The following TMTC2 variants were observed in gnomAD, a reference collection of about 807,000 sequenced individuals.
TMTC2 encodes the protein protein O-mannosyl-transferase TMTC2.
Under a neutral mutation model 82.4 loss-of-function variants are expected in TMTC2, and 43 were observed. That is an observed-to-expected ratio of 0.52 (90% confidence interval 0.41 to 0.67). The LOEUF is 0.67. TMTC2 is among the 30% of genes least tolerant of loss of function. The probability of loss-of-function intolerance (pLI) is 0.00; values close to 1 mark genes in which losing one functional copy is unlikely to be tolerated. For missense variants in TMTC2, 919 were observed against 1,012.4 expected, an observed-to-expected ratio of 0.91 and a Z score of 1.25; for synonymous variants, 408 against 381.9, an observed-to-expected ratio of 1.07 and a Z score of -0.80.
intron 4 of TMTC2, among the ~76,000 whole-genome samples, chr12:82,933,308 A>G (rs1347103578): frequency 1.3e-5 from 2 of 152,194 alleles, no homozygotes; most frequent in African/African-American, 4.8e-5. Context: ...ACACCAAGAT[A>G]GATCCTTTGC....
At chr12:83,071,638 G>A (rs1355149545) in intron 11 of TMTC2, among the ~76,000 whole-genome samples, 1 of 152,098 alleles carries the variant, frequency 6.6e-6, no homozygotes, top group Admixed American at 6.5e-5. Flanking sequence ...GGATATTTTT[G>A]TTGTTGTTTT....
intron 11 of TMTC2, among the ~76,000 whole-genome samples, chr12:83,101,724 G>A (rs1419864643): frequency 6.6e-6 from 1 of 152,082 alleles, no homozygotes; most frequent in African/African-American, 2.4e-5. Flanking sequence ...TATTCTTCAG[G>A]GTCCAGAGAT....
intron 1 of TMTC2, among the ~76,000 whole-genome samples, chr12:82,735,406 C>T (rs924714239): frequency 8.7e-5 from 13 of 150,062 alleles, no homozygotes; most frequent in South Asian, 2.1e-4. Context: ...AGTGCAGTGG[C>T]GCGATCTCGG....
chr12:83,052,001 G>A (rs1032791434), intron 10 of TMTC2, among the ~76,000 whole-genome samples: 5 of 151,948 alleles, frequency 3.3e-5, no homozygotes, highest in Non-Finnish European at 5.9e-5. Context: ...ATATATATAT[G>A]TACATGTAAC....
chr12:83,087,156 A>G (rs1883688498), intron 11 of TMTC2, among the ~76,000 whole-genome samples: 1 of 152,192 alleles, frequency 6.6e-6, no homozygotes, highest in African/African-American at 2.4e-5. Context: ...CTTCCCCGGG[A>G]ACAGATTTCA....
chr12:82,951,280 C>A (rs1407520463), intron 4 of TMTC2, among the ~76,000 whole-genome samples: 1 of 137,888 alleles, frequency 7.3e-6, no homozygotes, highest in East Asian at 2.2e-4. Flanking sequence ...AGTTCAATAC[C>A]CTTCCCAGTG....
At chr12:82,862,591 C>G (rs973621433) in intron 2 of TMTC2, among the ~76,000 whole-genome samples, 5 of 152,090 alleles carry the variant, frequency 3.3e-5, no homozygotes, top group African/African-American at 1.2e-4. Context: ...TAGGTAATCT[C>G]TTTTTCTTAA....
At chr12:83,129,231 T>C (rs995169093) in intron 11 of TMTC2, among the ~76,000 whole-genome samples, 2 of 152,194 alleles carry the variant, frequency 1.3e-5, no homozygotes, top group Non-Finnish European at 2.9e-5. Flanking sequence ...ACATTTTTAG[T>C]TTCCATATTT....
At chr12:82,929,093 G>A (rs938302424) in intron 3 of TMTC2, among the ~76,000 whole-genome samples, 1 of 151,946 alleles carries the variant, frequency 6.6e-6, no homozygotes, top group Non-Finnish European at 1.5e-5. Flanking sequence ...TTATTTTTTT[G>A]AGAGAGGGCC....
At chr12:82,801,137 G>A (rs1430161444) in intron 1 of TMTC2, among the ~76,000 whole-genome samples, 2 of 152,138 alleles carry the variant, frequency 1.3e-5, no homozygotes, top group African/African-American at 2.4e-5. Flanking sequence ...CAGGCATGGA[G>A]TAAGGATGAG....
Position 82,857,665 on chromosome 12 carries a change from T to C in TMTC2, c.654+85T>C, listed in dbSNP as rs1871330899. ...TGCCACCATTTAAAAAGCAAATTTA[T>C]TCCTCTGCAAGCGGAATTTAAAATA... On this transcript the variant is annotated intron_variant, in intron 2 of 11. Coordinates refer to ENST00000321196, the MANE Select transcript of TMTC2 (RefSeq NM_152588.3). The C allele has an allele frequency of 6.5e-5, 83 of 1,271,882 alleles. No homozygotes were observed. The South Asian group carries it at 1.1e-3, about 17-fold the overall frequency. The allele number at this position is 1,271,882 out of a possible 1,614,324, so 78.8% of individuals were successfully genotyped here.
chr12:83,118,870 T>C, intron 11 of TMTC2, among the ~76,000 whole-genome samples: 1 of 152,194 alleles, frequency 6.6e-6, no homozygotes, highest in East Asian at 1.9e-4. Flanking sequence ...TAATTCTTCC[T>C]GATTTAAGCT....
chr12:83,024,809 G>T (rs1363363553), intron 8 of TMTC2, among the ~76,000 whole-genome samples: 2 of 152,138 alleles, frequency 1.3e-5, no homozygotes, highest in Non-Finnish European at 2.9e-5. Context: ...ATATGAAATG[G>T]AGAAGTTACT....
intron 10 of TMTC2, among the ~76,000 whole-genome samples, chr12:83,053,234 T>C (rs955661555): frequency 2.6e-5 from 4 of 152,122 alleles, no homozygotes; most frequent in African/African-American, 9.7e-5. Context: ...TAGTTCTAAA[T>C]TAAGTTTGAT....
intron 1 of TMTC2, among the ~76,000 whole-genome samples, chr12:82,716,361 ATTT>A (rs750327404): frequency 2.3e-5 from 3 of 129,052 alleles, no homozygotes; most frequent in Admixed American, 8.1e-5. Context: ...TGTCTGGTAC[ATTT>A]TTTTTTTTTT....
chr12:82,990,778 T>C (rs1879365462), intron 8 of TMTC2, among the ~76,000 whole-genome samples: 1 of 152,166 alleles, frequency 6.6e-6, no homozygotes, highest in Admixed American at 6.6e-5. Context: ...ATTTAAGGGC[T>C]GGGGACATGG....
chr12:82,873,405 GA>G (rs1420853118), intron 2 of TMTC2, among the ~76,000 whole-genome samples: 1 of 152,080 alleles, frequency 6.6e-6, no homozygotes, highest in African/African-American at 2.4e-5. Context: ...AATTGGCACT[GA>G]AGTTTGAGTA....
intron 9 of TMTC2, among the ~76,000 whole-genome samples, chr12:83,034,907 T>G (rs529100177): frequency 1.3e-5 from 2 of 152,352 alleles, no homozygotes; most frequent in East Asian, 3.9e-4. Flanking sequence ...ATCAGTTCCT[T>G]GCCAACTTGC....
intron 1 of TMTC2, among the ~76,000 whole-genome samples, chr12:82,778,377 A>C (rs1432475261): frequency 6.6e-6 from 1 of 152,156 alleles, no homozygotes; most frequent in East Asian, 1.9e-4. Flanking sequence ...AGATTTGCTA[A>C]GTATTAAACT....
Sources: allele counts gnomAD v4.1 joint callset (sites outside exome capture counted in the v4.1 genomes callset), GRCh38; gene constraint gnomAD v4.1.1; transcripts MANE v1.5; gene names NCBI Gene and HGNC (gene_info 2026-07-23, HGNC 2026-07-21).